MAGED1: variants seen among roughly 807,000 people sequenced by gnomAD.
The protein encoded by MAGED1 is melanoma-associated antigen D1.
In MAGED1, 3 loss-of-function variants were observed where a neutral mutation model predicts 54.1. The observed-to-expected ratio is 0.06, with a 90% confidence interval of 0.03 to 0.14. MAGED1 has a LOEUF of 0.14. Ranked by LOEUF, MAGED1 falls within the 10% of genes least tolerant of loss-of-function variation. The pLI is 1.00. For synonymous variants in MAGED1, 217 were observed against 227.3 expected, an observed-to-expected ratio of 0.95 and a Z score of 0.41; for missense variants, 485 against 623.4, an observed-to-expected ratio of 0.78 and a Z score of 2.36.
intron 1 of MAGED1, among the ~76,000 whole-genome samples, chrX:51,815,377 A>G (rs1253530050): frequency 1.8e-5 from 2 of 111,191 alleles, no homozygotes; most frequent in Non-Finnish European, 3.8e-5. Context: ...GGTGGAAGAC[A>G]GTGATATTGG....
At chrX:51,832,575 C>T (rs1557357541) in intron 1 of MAGED1, among the ~76,000 whole-genome samples, 1 of 111,079 alleles carries the variant, frequency 9.0e-6, no homozygotes. Context: ...ATCTTTTTGA[C>T]TCCACTTCTT....
At chrX:51,812,456 GTC>G (rs1381876047) in intron 1 of MAGED1, among the ~76,000 whole-genome samples, 2 of 111,769 alleles carry the variant, frequency 1.8e-5, no homozygotes, top group Non-Finnish European at 3.8e-5. Flanking sequence ...TATACTCTCT[GTC>G]TCTCTGAATT....
At chrX:51,810,543 G>A (rs1280836071) in intron 1 of MAGED1, among the ~76,000 whole-genome samples, 1 of 111,845 alleles carries the variant, frequency 8.9e-6, no homozygotes, top group African/African-American at 3.3e-5. Flanking sequence ...GAATGTGAGG[G>A]TAAACCTGAC....
At chrX:51,857,718 C>T in intron 1 of MAGED1, 2 of 112,463 alleles carry the variant, frequency 1.8e-5, no homozygotes. Flanking sequence ...CCTTGTTCAT[C>T]ATCTGCAGAT....
In MAGED1 at chrX:51,824,742, A is replaced by G. The variant is rs782315988; in HGVS notation, c.-37+21625A>G. On this transcript the variant is annotated intron_variant, in intron 1 of 12. Transcript: ENST00000375772. ...TGTGTGTGTGTGTGTGTCTGTATAT[A>G]TATATATACACATACATATATACAC... Among the ~76,000 whole-genome samples the G allele has an allele frequency of 1.2e-4, 11 of 91,781 alleles. No individual in the cohort carries two copies. In the East Asian group the frequency reaches 3.4e-3, roughly 28 times the overall value. The allele number at this position is 91,781 out of a possible 115,157, so 79.7% of individuals were successfully genotyped here.
intron 10 of MAGED1, chrX:51,898,994 A>C (rs986326965): frequency 2.3e-4 from 36 of 158,443 alleles, no homozygotes; most frequent in African/African-American, 1.1e-3. Context: ...CAACAGAGTG[A>C]GACCCTGTCT....
chrX:51,839,447 T>C (rs975026282), intron 1 of MAGED1, among the ~76,000 whole-genome samples: 2 of 112,016 alleles, frequency 1.8e-5, no homozygotes, highest in African/African-American at 6.5e-5. Context: ...TTCAGATCCA[T>C]GACAAGTCCT....
rs782388905 is a variant in MAGED1 at position 51,895,563 on chromosome X, G to A, written c.556G>A (p.Asp186Asn). ...TAAGACCCCTTTCAAGGCTTGGAAT[G>A]ATACCACTAAGGCCCCAACAGCTGA... ...RPKTPFKAWN[D>N]TTKAPTADTQ... Residue 186 changes from aspartate to asparagine, a missense_variant, in exon 3 of 13, where the codon GAT (aspartate) becomes AAT (asparagine). Transcript: ENST00000326587. 1 of 1,211,749 alleles carries A rather than the reference G, an allele frequency of 8.3e-7. No homozygotes were observed. Among genetic ancestry groups the A allele is most frequent in the South Asian group, 1.8e-5 (1 of 56,868 alleles).
rs1557364980 is a variant in MAGED1 at position 51,901,693 on chromosome X, T to C, written c.2100T>C (p.Ala700=). The C allele has an allele frequency of 8.3e-7, 1 of 1,211,554 alleles. No homozygotes were observed. Among genetic ancestry groups the C allele is most frequent in the Non-Finnish European group, 1.1e-6 (1 of 895,440 alleles). The change falls in exon 12 of 13, where the codon GCT becomes GCC. Residue 700 remains alanine (A), a synonymous_variant. Coordinates refer to ENST00000326587, the MANE Select transcript of MAGED1 (RefSeq NM_006986.4). ...ARTRMGIGDE[A]VSGPWSWDDI... is the part of the protein sequence containing the mutation. ...CCCGCATGGGAATTGGAGATGAGGC[T>C]GTGTCTGGGCCCTGGAGCTGGGATG...
At chrX:51,898,035 G>A (rs1928843699) in intron 7 of MAGED1, 79 bp from the exon 8 acceptor site, 11 of 964,691 alleles carry the variant, frequency 1.1e-5, no homozygotes, top group Non-Finnish European at 1.5e-5. Flanking sequence ...AGGAATATTG[G>A]GGAGGCTAGA....
chrX:51,865,815 T>C (rs1482284565), intron 1 of MAGED1, among the ~76,000 whole-genome samples: 3 of 111,619 alleles, frequency 2.7e-5, no homozygotes, highest in South Asian at 3.8e-4. Context: ...TGGGAGGTAA[T>C]TGGATCAAGA....
chrX:51,888,553 T>C (rs782593311), upstream of MAGED1, among the ~76,000 whole-genome samples: 47 of 112,100 alleles, frequency 4.2e-4, no homozygotes, highest in Middle Eastern at 4.7e-3. Flanking sequence ...CTAGGAAAGT[T>C]TGGTAATTTC....
At chrX:51,874,590 TAC>T (rs1195109737) in intron 1 of MAGED1, among the ~76,000 whole-genome samples, 4 of 111,754 alleles carry the variant, frequency 3.6e-5, no homozygotes, top group Non-Finnish European at 3.8e-5. Flanking sequence ...TCTCAAATAT[TAC>T]AGTTTTTATA....
Position 51,898,620 on chromosome X carries a change from C to T in MAGED1, c.1821C>T (p.Leu607=), listed in dbSNP as rs782183273. The T allele has an allele frequency of 3.6e-5, 44 of 1,206,605 alleles. No individual in the cohort carries two copies. Among genetic ancestry groups the T allele is most frequent in the Non-Finnish European group, 4.4e-5 (39 of 893,979 alleles). Residue 607 remains leucine, a synonymous_variant, in exon 10 of 13, where the codon CTC becomes CTT. Coordinates refer to ENST00000326587, the MANE Select transcript of MAGED1 (RefSeq NM_006986.4). The part of the protein sequence containing the change: ...HPLLGDLRKL[L]TYEFVKQKYL... ...TCCTTGGAGATCTAAGGAAACTTCT[C>T]ACCTATGAGTTTGTAAAGCAGAAGT... is the stretch of plus-strand genomic sequence containing the variant.
At chrX:51,856,118 A>G (rs1927074833) in intron 1 of MAGED1, among the ~76,000 whole-genome samples, 1 of 112,212 alleles carries the variant, frequency 8.9e-6, no homozygotes, top group Admixed American at 9.4e-5. Context: ...TGATGACTAC[A>G]TAATATCCCA....
intron 1 of MAGED1, among the ~76,000 whole-genome samples, chrX:51,817,465 A>G (rs1925477430): frequency 8.9e-6 from 1 of 111,918 alleles, no homozygotes; most frequent in African/African-American, 3.2e-5. Context: ...ATATTTTGCT[A>G]TTATAGATTT....
intron 1 of MAGED1, among the ~76,000 whole-genome samples, chrX:51,832,811 T>C (rs1178555939): frequency 4.5e-5 from 5 of 111,426 alleles, no homozygotes; most frequent in Non-Finnish European, 3.8e-5. Flanking sequence ...AAATGGGATA[T>C]CAAGGAGATA....
intron 1 of MAGED1, among the ~76,000 whole-genome samples, chrX:51,862,522 C>A (rs1602244432): frequency 9.0e-6 from 1 of 111,223 alleles, no homozygotes. Context: ...TTAACAATTT[C>A]TTTGGTTTTC....
intron 1 of MAGED1, among the ~76,000 whole-genome samples, chrX:51,825,902 G>A (rs1437724251): frequency 8.9e-6 from 1 of 111,899 alleles, no homozygotes; most frequent in Admixed American, 9.5e-5. Flanking sequence ...ATTTGTGGAG[G>A]GGCTTTTAGT....
Sources: gnomAD v4.1 joint callset for allele counts (sites outside exome capture counted in the v4.1 genomes callset) on GRCh38, gnomAD v4.1.1 for gene constraint, MANE v1.5 for transcripts, NCBI Gene and HGNC (gene_info 2026-07-23, HGNC 2026-07-21) for gene names.